Variants in ANKRD13D observed in about 807,000 individuals in gnomAD.
The protein encoded by ANKRD13D is ankyrin repeat domain-containing protein 13D.
A neutral mutation model predicts 68.8 loss-of-function variants in ANKRD13D; 24 were observed. That is an observed-to-expected ratio of 0.35 (90% CI 0.25 to 0.49). The LOEUF (loss-of-function observed/expected upper bound fraction) is 0.49. ANKRD13D is among the 20% of genes least tolerant of loss of function. The pLI is 0.99. For missense variants in ANKRD13D, 735 were observed against 832.1 expected (o/e 0.88, Z 1.44); for synonymous variants, 331 against 336.1 (o/e 0.98, Z 0.16).
In ANKRD13D at chr11:67,290,133, C is replaced by T; in HGVS notation, c.146C>T (p.Ser49Phe). 6.5e-7 allele frequency: 1 copy of T among 1,537,170 alleles called. No homozygotes were observed. The highest frequency in any genetic ancestry group is 8.7e-7 in the Non-Finnish European group (1 of 1,146,912). The stretch of plus-strand genomic sequence containing the variant: ...CGGACCCCACTGGAGCTGGCCGTGT[C>T]TCTGGGAAACCTGGAGTCTGTGAGA... The part of the protein sequence containing the change: ...RGRTPLELAV[S>F]LGNLESVRVL... The change falls in exon 2 of 15, where the codon TCT becomes TTT. Residue 49 changes from serine to phenylalanine, a missense_variant. Transcript: ENST00000511455.
At position 67,299,338 on chromosome 11, in the gene ANKRD13D, T is replaced by C. The variant is rs1403593850; in HGVS notation, c.799-192T>C. 4.2e-6 allele frequency: 3 copies of C among 706,624 alleles called. No homozygotes were observed. The highest frequency in any genetic ancestry group is 4.7e-6 in the Non-Finnish European group (2 of 421,374). The allele number at this position is 706,624 out of a possible 1,614,324, so 43.8% of individuals were successfully genotyped here. On this transcript the variant is annotated intron_variant, in intron 7 of 14. Transcript: ENST00000511455. The surrounding 1 kb of genome is among the most constrained non-coding windows in gnomAD (Gnocchi z 6.2). ...GGGTACCGAGATCAAAAGAGGAGTG[T>C]GTTCCTCTTGACCCTGGGGCTGCAT...
chr11:67,301,442 C>T lies in ANKRD13D; in HGVS notation c.1348+44C>T. 1 of 1,606,674 alleles carries T rather than the reference C, an allele frequency of 6.2e-7. No homozygotes were observed. The highest frequency in any genetic ancestry group is 1.3e-5 in the African/African-American group (1 of 74,926). On this transcript the variant is annotated intron_variant, in intron 12 of 14. Transcript: ENST00000511455. This position sits in a 1 kb window ranked among gnomAD's most constrained non-coding sequence, Gnocchi z 4.5. ...GAGGGAGCCTGCACAGCTTTCTGGT[C>T]ACCAAGCCCCGCGGGTTGAGCGTGG...
intron 1 of ANKRD13D, 142 bp downstream of exon 1, chr11:67,289,692 G>A (rs1860452165): frequency 2.3e-6 from 3 of 1,282,268 alleles, no homozygotes; most frequent in East Asian, 6.0e-5. Context: ...ACGATCCCAA[G>A]CCCAGGTCAC....
intron 6 of ANKRD13D, among the ~76,000 whole-genome samples, chr11:67,293,147 C>G (rs576288727): frequency 6.6e-6 from 1 of 152,190 alleles, no homozygotes; most frequent in East Asian, 1.9e-4. Context: ...TTTAATTTCT[C>G]TTTCATATGT....
rs1192946205 is a variant in ANKRD13D, at chr11:67,300,150, T to C, written c.1073+27T>C. On this transcript the variant is annotated intron_variant, in intron 10 of 14. Transcript: ENST00000511455. This position sits in a 1 kb window ranked among gnomAD's most constrained non-coding sequence, Gnocchi z 4.3. Reference sequence around the variant, plus strand: ...TGAGGTCTGAGAGCTGGCTGGGGACTTGCCTCGGGACAAGGGCTCTTGCAG... The same window carrying C: ...TGAGGTCTGAGAGCTGGCTGGGGACCTGCCTCGGGACAAGGGCTCTTGCAG... 3.1e-6 allele frequency: 5 copies of C among 1,612,724 alleles called. No homozygotes were observed.
Position 67,302,195 on chromosome 11 carries a change from G to C in ANKRD13D, c.1681G>C (p.Gly561Arg), listed in dbSNP as rs767386730. The C allele has an allele frequency of 1.3e-6, 2 of 1,591,726 alleles. No individual in the cohort carries two copies. Among genetic ancestry groups the C allele is most frequent in the African/African-American group, 2.7e-5 (2 of 74,572 alleles). The change falls in exon 15 of 15, where the codon GGT becomes CGT. Residue 561 changes from glycine to arginine, a missense_variant. Gly to Arg is a moderately radical substitution (Grantham distance 125). Coordinates refer to ENST00000511455, the MANE Select transcript of ANKRD13D (RefSeq NM_207354.3). ...CCCTCCCAGGACACCCCCAGCCCCC[G>C]GTCCACCCAGCTTTGAAGAGCAGCT... ...GSPPRTPPAP[G>R]PPSFEEQLRL... is the part of the protein sequence containing the mutation.
chr11:67,291,411 G>A, intron 3 of ANKRD13D, 65 bp from the exon 4 acceptor site: 2 of 1,584,314 alleles, frequency 1.3e-6, no homozygotes, highest in South Asian at 1.1e-5. Context: ...GTGGACAAGG[G>A]GCTCCCAGGC....
At position 67,301,348 on chromosome 11, in the gene ANKRD13D, C is replaced by T. The variant is rs766323738; in HGVS notation, c.1298C>T (p.Pro433Leu). The change falls in exon 12 of 15, where the codon CCC becomes CTC. Residue 433 changes from proline to leucine, a missense_variant. By Grantham distance (98) the Pro-to-Leu change is moderately conservative. Coordinates refer to ENST00000511455, the MANE Select transcript of ANKRD13D (RefSeq NM_207354.3). This position sits in a 1 kb window ranked among gnomAD's most constrained non-coding sequence, Gnocchi z 4.5. ...TFSNLCGCDE[P>L]LSSVWVPAPS... ...AGCAACCTGTGTGGCTGTGATGAGC[C>T]CCTGAGCTCCGTGTGGGTGCCGGCC... is the stretch of plus-strand genomic sequence containing the variant. 2 of 1,613,566 alleles carry T rather than the reference C, an allele frequency of 1.2e-6. No homozygotes were observed. Among genetic ancestry groups the T allele is most frequent in the Non-Finnish European group, 8.5e-7 (1 of 1,179,886 alleles).
rs904402699 is a variant in ANKRD13D, at chr11:67,300,512, A to G, written c.1073+389A>G. ...GAGCCTTGAGCAGGTATAGGCGGTAACAGCAGGCACAGTGCCTGCACAAGC... is the reference window on the plus strand; with the variant it reads ...GAGCCTTGAGCAGGTATAGGCGGTAGCAGCAGGCACAGTGCCTGCACAAGC... On this transcript the variant is annotated intron_variant, in intron 10 of 14. Coordinates refer to ENST00000511455, the MANE Select transcript of ANKRD13D (RefSeq NM_207354.3). The surrounding 1 kb of genome is among the most constrained non-coding windows in gnomAD (Gnocchi z 4.3). 5 of 318,628 alleles carry G rather than the reference A, an allele frequency of 1.6e-5. No homozygotes were observed. The Admixed American group carries it at 2.3e-4, about 15-fold the overall frequency. The allele number at this position is 318,628 out of a possible 1,614,324, so 19.7% of individuals were successfully genotyped here.
rs1444836979 is a variant in ANKRD13D at position 67,301,621 on chromosome 11, C to T, written c.1482C>T (p.Ser494=). The part of the protein sequence containing the change: ...DDLLQFAIQQ[S]LLEAGTEAEQ... ...TCCTGCAGTTCGCCATCCAGCAGAG[C>T]CTGCTTGAAGCGGGCACTGAGGCGG... The change falls in exon 13 of 15, where the codon AGC becomes AGT. Residue 494 remains serine, a synonymous_variant. Coordinates refer to ENST00000511455, the MANE Select transcript of ANKRD13D (RefSeq NM_207354.3). The surrounding 1 kb of genome is among the most constrained non-coding windows in gnomAD (Gnocchi z 4.5). 1 of 1,612,734 alleles carries T rather than the reference C, an allele frequency of 6.2e-7. No homozygotes were observed. Among genetic ancestry groups the T allele is most frequent in the Non-Finnish European group, 8.5e-7 (1 of 1,179,934 alleles).
At chr11:67,291,369 A>G in intron 3 of ANKRD13D, 107 bp from the exon 4 acceptor site, 2 of 1,165,788 alleles carry the variant, frequency 1.7e-6, no homozygotes, top group East Asian at 2.6e-5. Flanking sequence ...AAAAAAAAAA[A>G]AAAAAAGACC....
chr11:67,294,942 C>T (rs1860704741), intron 6 of ANKRD13D, among the ~76,000 whole-genome samples: 1 of 152,148 alleles, frequency 6.6e-6, no homozygotes, highest in Admixed American at 6.5e-5. Flanking sequence ...TGCAACATTG[C>T]TAAACTCATT....
At chr11:67,296,319 G>A (rs1860753574) in intron 6 of ANKRD13D, among the ~76,000 whole-genome samples, 1 of 149,658 alleles carries the variant, frequency 6.7e-6, no homozygotes, top group African/African-American at 2.5e-5. Flanking sequence ...GGATTCAGTG[G>A]TGAAGCCATT....
chr11:67,289,895 G>GC, intron 1 of ANKRD13D, 183 bp from the exon 2 acceptor site: 1 of 1,435,444 alleles, frequency 7.0e-7, no homozygotes. Context: ...CCCCGGCTCT[G>GC]CCCCTGCCTT....
At chr11:67,292,533 T>C (rs947947859) in intron 6 of ANKRD13D, among the ~76,000 whole-genome samples, 2 of 152,098 alleles carry the variant, frequency 1.3e-5, no homozygotes, top group African/African-American at 4.8e-5. Flanking sequence ...GCAGAATCCT[T>C]TGTGGGTAGC....
chr11:67,300,837 C>T lies in ANKRD13D; in HGVS notation c.1074-153C>T, dbSNP rs866719529. ...GGGCCACGTGGCCAGGACACCAGCTCCCGGGGGAGGCGGGCAGCGGCATCT... is the reference window on the plus strand; with the variant it reads ...GGGCCACGTGGCCAGGACACCAGCTTCCGGGGGAGGCGGGCAGCGGCATCT... On this transcript the variant is annotated intron_variant, in intron 10 of 14. Coordinates refer to ENST00000511455, the MANE Select transcript of ANKRD13D (RefSeq NM_207354.3). The surrounding 1 kb of genome is among the most constrained non-coding windows in gnomAD (Gnocchi z 4.3). 1 of 975,870 alleles carries T rather than the reference C, an allele frequency of 1.0e-6. No homozygotes were observed. Among genetic ancestry groups the T allele is most frequent in the East Asian group, 2.7e-5 (1 of 37,230 alleles). The allele number at this position is 975,870 out of a possible 1,614,324, so 60.5% of individuals were successfully genotyped here. A position where few individuals can be genotyped will look rare whatever the true frequency, so the allele number is the denominator to read the frequency against.
At chr11:67,297,585 G>A (rs182258235) in intron 6 of ANKRD13D, among the ~76,000 whole-genome samples, 7 of 150,680 alleles carry the variant, frequency 4.6e-5, no homozygotes, top group African/African-American at 1.7e-4. Context: ...GAGTGCAGTG[G>A]CACGATCTCG....
rs748792420 is a variant in ANKRD13D, at chr11:67,300,575, G to T, written c.1074-415G>T. ...CCACCATCTCAGGAGGATTCTCTTA[G>T]CCACCCAACAGTCGCTGGGATTCGA... On this transcript the variant is annotated intron_variant, in intron 10 of 14. Coordinates refer to ENST00000511455, the MANE Select transcript of ANKRD13D (RefSeq NM_207354.3). The surrounding 1 kb of genome is among the most constrained non-coding windows in gnomAD (Gnocchi z 4.3). The T allele has an allele frequency of 1.6e-5, 6 of 370,740 alleles. No individual in the cohort carries two copies. The highest frequency in any genetic ancestry group is 2.4e-5 in the Non-Finnish European group (5 of 205,314). 23.0% of individuals were successfully genotyped at this position (370,740 alleles called of 1,614,324 possible). A position where few individuals can be genotyped will look rare whatever the true frequency, so the allele number is the denominator to read the frequency against.
intron 1 of ANKRD13D, 90 bp downstream of exon 1, chr11:67,289,640 C>A: frequency 1.1e-6 from 1 of 922,710 alleles, no homozygotes; most frequent in Non-Finnish European, 1.5e-6. Context: ...CCCCCCCCGC[C>A]CGCTCAGCTC....
Sources: gnomAD v4.1 joint callset for allele counts (sites outside exome capture counted in the v4.1 genomes callset) on GRCh38, gnomAD v4.1.1 for gene constraint, Gnocchi (gnomAD v3.1) non-coding constraint, MANE v1.5 for transcripts, NCBI Gene and HGNC (gene_info 2026-07-23, HGNC 2026-07-21) for gene names.